SYT16: variants seen among roughly 807,000 people sequenced by gnomAD.
The protein encoded by SYT16 is synaptotagmin 16.
Under a neutral mutation model 61.4 loss-of-function variants are expected in SYT16, and 42 were observed. The ratio of observed to expected loss-of-function variants is 0.68; its 90% CI spans 0.53 to 0.89. SYT16 has a LOEUF of 0.89. Among genes scored for constraint, SYT16 ranks in the 40% least tolerant of loss-of-function variants. The probability of loss-of-function intolerance (pLI) is 0.00; values close to 1 mark genes in which losing one functional copy is unlikely to be tolerated. For missense variants in SYT16, 804 were observed against 807.3 expected (o/e 1.00, Z 0.05); for synonymous variants, 314 against 302.3 (o/e 1.04, Z -0.40).
chr14:62,047,225 T>C (rs2055033572), intron 3 of SYT16, among the ~76,000 whole-genome samples: 1 of 152,228 alleles, frequency 6.6e-6, no homozygotes, highest in African/African-American at 2.4e-5. Context: ...TATTTTATTC[T>C]CTTTGAAGCC....
intron 3 of SYT16, among the ~76,000 whole-genome samples, chr14:62,045,534 G>A (rs900093639): frequency 6.6e-6 from 1 of 152,042 alleles, no homozygotes; most frequent in African/African-American, 2.4e-5. Flanking sequence ...CATGTGCCAT[G>A]TTGGTGTGCT....
In SYT16 at chr14:62,048,019, T is replaced by A. The variant is rs1047823045; in HGVS notation, c.524-21584T>A. Among the ~76,000 whole-genome samples, 56 of 152,252 alleles carry A rather than the reference T, an allele frequency of 3.7e-4. 1 individual carries two copies. Among genetic ancestry groups the A allele is most frequent in the Non-Finnish European group, 7.1e-4 (48 of 68,044 alleles). On this transcript the variant is annotated intron_variant, in intron 3 of 7. Transcript: ENST00000683842. ...ATGAGTTAGGGAGGATTCCCTCTTT[T>A]TCTATTGATTGGAATAGTTTCAGAA...
chr14:62,043,816 A>C (rs1335412526), intron 3 of SYT16, among the ~76,000 whole-genome samples: 1 of 152,144 alleles, frequency 6.6e-6, no homozygotes, highest in East Asian at 1.9e-4. Context: ...CTTTCATAAT[A>C]CTTAAACTTC....
intron 3 of SYT16, chr14:62,069,376 T>G: frequency 1.8e-6 from 1 of 552,918 alleles, no homozygotes; most frequent in Non-Finnish European, 3.2e-6. Flanking sequence ...TGATTTGTCT[T>G]GGGTTCTAGC....
intron 1 of SYT16, among the ~76,000 whole-genome samples, chr14:61,862,530 A>C (rs1323409554): frequency 2.6e-5 from 4 of 152,098 alleles, no homozygotes; most frequent in Non-Finnish European, 4.4e-5. Context: ...GGGATTTCCC[A>C]CCCATGCCCT....
chr14:61,953,869 G>A (rs954331100), intron 1 of SYT16, among the ~76,000 whole-genome samples: 5 of 152,182 alleles, frequency 3.3e-5, no homozygotes, highest in Non-Finnish European at 7.3e-5. Flanking sequence ...GGAGGAGAAT[G>A]TAGTCATGCT....
At chr14:61,956,529 A>G (rs2050882889) in intron 1 of SYT16, among the ~76,000 whole-genome samples, 1 of 152,046 alleles carries the variant, frequency 6.6e-6, no homozygotes. Flanking sequence ...GTGGATATCC[A>G]ATTTTACTGA....
rs75725801 is a variant in SYT16, at chr14:62,052,454, C to T, written c.524-17149C>T. Among the ~76,000 whole-genome samples the T allele has an allele frequency of 8.1e-3, 1,234 of 152,278 alleles. 68 individuals carry two copies. In the East Asian group the frequency reaches 0.15, roughly 19 times the overall value. ...ATTGTAGCTCTGAAGCTTCTGTTCT[C>T]ATGGCCTAATATAGGCCTAATTTTT... is the stretch of plus-strand genomic sequence containing the variant. On this transcript the variant is annotated intron_variant, in intron 3 of 7. Coordinates refer to ENST00000683842, the MANE Select transcript of SYT16 (RefSeq NM_001367656.1).
chr14:61,864,864 C>T, intron 1 of SYT16: 1 of 1,152,308 alleles, frequency 8.7e-7, no homozygotes, highest in South Asian at 1.4e-5. Context: ...TTCTCCCAGC[C>T]ACCCCCGGCG....
At chr14:61,905,702 T>C (rs217659) in intron 1 of SYT16, among the ~76,000 whole-genome samples, 137,986 of 151,770 alleles carry the variant, frequency 0.91, 62,857 homozygotes, top group East Asian at 0.98. Flanking sequence ...CCTTAAAAAA[T>C]TATGTGACAC....
intron 3 of SYT16, among the ~76,000 whole-genome samples, chr14:61,999,586 A>G (rs1959327): frequency 0.79 from 120,110 of 151,414 alleles, 48,266 homozygotes; most frequent in African/African-American, 0.93. Flanking sequence ...TTAATTTATC[A>G]CTATTGTTTT....
At chr14:61,827,933 C>G (rs1316201646) in intron 1 of SYT16, among the ~76,000 whole-genome samples, 1 of 152,140 alleles carries the variant, frequency 6.6e-6, no homozygotes, top group Admixed American at 6.5e-5. Context: ...ATGTACTAAT[C>G]CTCAGGACTT....
At chr14:62,022,367 A>AT (rs1268683578) in intron 3 of SYT16, among the ~76,000 whole-genome samples, 8 of 152,092 alleles carry the variant, frequency 5.3e-5, no homozygotes, top group Admixed American at 1.3e-4. Flanking sequence ...CAGCTTTGAA[A>AT]TTTTTTGTTG....
chr14:62,076,443 TAA>T (rs11336905), intron 5 of SYT16, among the ~76,000 whole-genome samples: 109 of 143,824 alleles, frequency 7.6e-4, no homozygotes, highest in Non-Finnish European at 6.2e-4. Context: ...ATGCTCAAGG[TAA>T]AAAAAAAAAA....
Position 62,080,833 on chromosome 14 carries a change from G to A in SYT16, c.994-1G>A. The A allele has an allele frequency of 6.3e-7, 1 of 1,590,074 alleles. No individual in the cohort carries two copies. Among genetic ancestry groups the A allele is most frequent in the Non-Finnish European group, 8.6e-7 (1 of 1,166,938 alleles). On this transcript the variant is annotated splice_acceptor_variant, in intron 5 of 7. Coordinates refer to ENST00000683842, the MANE Select transcript of SYT16 (RefSeq NM_001367656.1). LOFTEE classifies it high-confidence loss of function. ...CTAATTGTTTCCTCTGCCTGCAACA[G>A]GAACAGGACAGGACCAATTTGCAGG... is the stretch of plus-strand genomic sequence containing the variant.
rs370752863 is a variant in SYT16, at chr14:62,105,264, A to G, written c.*4557A>G. The G allele has an allele frequency of 2.6e-5, 4 of 152,306 alleles. No individual in the cohort carries two copies. Among genetic ancestry groups the G allele is most frequent in the Middle Eastern group, 3.4e-3 (1 of 294 alleles). The allele number at this position is 152,306 out of a possible 1,614,324, so 9.4% of individuals were successfully genotyped here. A position where few individuals can be genotyped will look rare whatever the true frequency, so the allele number is the denominator to read the frequency against. ...GCCTCTCCTTGTCTCCAGTTCTCTT[A>G]TTCATAAATGGACAAGGCATCTTGT... On this transcript the variant is annotated 3_prime_UTR_variant, in exon 8 of 8. Coordinates refer to ENST00000683842, the MANE Select transcript of SYT16 (RefSeq NM_001367656.1).
intron 3 of SYT16, among the ~76,000 whole-genome samples, chr14:62,051,992 C>T (rs559813981): frequency 6.6e-6 from 1 of 152,166 alleles, no homozygotes; most frequent in Admixed American, 6.5e-5. Context: ...TGCACTCCAG[C>T]CTGGGAAACA....
chr14:62,100,741 C>G lies in SYT16; in HGVS notation c.*34C>G. On this transcript the variant is annotated 3_prime_UTR_variant, in exon 8 of 8. Transcript: ENST00000683842. ...ACCTGCATTTGTGTGCTGTGTCCACCTTGGTTACCTGTGTTGCTGTCTACT... is the reference window on the plus strand; with the variant it reads ...ACCTGCATTTGTGTGCTGTGTCCACGTTGGTTACCTGTGTTGCTGTCTACT... 5.0e-6 allele frequency: 8 copies of G among 1,586,788 alleles called. No homozygotes were observed. The highest frequency in any genetic ancestry group is 6.9e-6 in the Non-Finnish European group (8 of 1,166,812).
chr14:61,870,418 T>G, intron 1 of SYT16, among the ~76,000 whole-genome samples: 1 of 152,150 alleles, frequency 6.6e-6, no homozygotes, highest in East Asian at 1.9e-4. Flanking sequence ...TCACTGTTTT[T>G]TTAGATACCT....
Sources: allele counts gnomAD v4.1 joint callset (sites outside exome capture counted in the v4.1 genomes callset), GRCh38; gene constraint gnomAD v4.1.1; transcripts MANE v1.5; gene names NCBI Gene and HGNC (gene_info 2026-07-23, HGNC 2026-07-21).